ZDHHC1: variants seen among roughly 807,000 people sequenced by gnomAD.
ZDHHC1 encodes the protein zDHHC palmitoyltransferase 1.
ZDHHC1 carries 45 observed loss-of-function variants against 46.9 expected under a neutral mutation model. That is an observed-to-expected ratio of 0.96 (90% CI 0.76 to 1.23). The LOEUF is 1.23. ZDHHC1 is among the 50% of genes most tolerant of loss of function. The pLI, the probability that ZDHHC1 is intolerant of heterozygous loss-of-function variation, is 0.00. For missense variants in ZDHHC1, 649 were observed against 670.8 expected (o/e 0.97, Z 0.36); for synonymous variants, 291 against 286.0 (o/e 1.02, Z -0.18).
At position 67,395,046 on chromosome 16, in the gene ZDHHC1, C is replaced by G; in HGVS notation, c.1121G>C (p.Arg374Pro). ...CTCAGACGTTCGCACTTTATACACG[C>G]GCCTCTTCCTCTTTTTCTGCAGAGA... ...RIRPQKKRKR[R>P]VYKVRTSETS... Residue 374 changes from arginine (R) to proline (P), a missense_variant, in exon 11 of 12, where the codon CGC becomes CCC. By Grantham distance (103) the Arg-to-Pro change is moderately radical. Coordinates refer to ENST00000565726, the MANE Select transcript of ZDHHC1 (RefSeq NM_001323627.2). The G allele has an allele frequency of 6.2e-7, 1 of 1,613,124 alleles. No homozygotes were observed. Among genetic ancestry groups the G allele is most frequent in the Non-Finnish European group, 8.5e-7 (1 of 1,179,838 alleles).
chr16:67,407,346 G>C (rs551692560), intron 2 of ZDHHC1, among the ~76,000 whole-genome samples: 2 of 152,356 alleles, frequency 1.3e-5, no homozygotes, highest in East Asian at 3.9e-4. Flanking sequence ...CTGGGAGACA[G>C]GCCAGCTCTG....
At position 67,395,468 on chromosome 16, in the gene ZDHHC1, C is replaced by T. The variant is rs778747361; in HGVS notation, c.1010+16G>A. ...AACTGGAGATGCCCAGTGGCACATGCCCAGGTTGCACTCACTTGGCATTCA... is the reference window on the plus strand; with the variant it reads ...AACTGGAGATGCCCAGTGGCACATGTCCAGGTTGCACTCACTTGGCATTCA... On this transcript the variant is annotated intron_variant, in intron 9 of 11. Transcript: ENST00000565726. 3.9e-6 allele frequency: 6 copies of T among 1,551,360 alleles called. No individual in the cohort carries two copies. Among genetic ancestry groups the T allele is most frequent in the Admixed American group, 2.0e-5 (1 of 51,016 alleles).
chr16:67,413,774 A>G (rs2040788881), intron 1 of ZDHHC1, among the ~76,000 whole-genome samples: 1 of 151,968 alleles, frequency 6.6e-6, no homozygotes, highest in Admixed American at 6.6e-5. Context: ...ACCCGTCTCT[A>G]CTAAAAATAC....
At chr16:67,414,136 G>A (rs574229455) in intron 1 of ZDHHC1, among the ~76,000 whole-genome samples, 1 of 152,236 alleles carries the variant, frequency 6.6e-6, no homozygotes, top group East Asian at 1.9e-4. Flanking sequence ...TAGAAACAAG[G>A]CCAGTGAAGA....
Position 67,394,649 on chromosome 16 carries a change from C to A in ZDHHC1, c.1410G>T (p.Glu470Asp). 8.2e-7 allele frequency: 1 copy of A among 1,219,612 alleles called. No individual in the cohort carries two copies. The allele number at this position is 1,219,612 out of a possible 1,614,324, so 75.5% of individuals were successfully genotyped here. A position where few individuals can be genotyped will look rare whatever the true frequency, so the allele number is the denominator to read the frequency against. The part of the protein sequence containing the change: ...PAVFVSPSSG[E>D]PRAPGGREAG... The stretch of plus-strand genomic sequence containing the variant: ...CCTCCCGGCCGCCCGGCGCCCTGGG[C>A]TCGCCGCTGCTCGGGCTCACGAAAA... Residue 470 changes from glutamate to aspartate, a missense_variant, in exon 12 of 12, where the codon GAG becomes GAT. By Grantham distance (45) the Glu-to-Asp change is conservative. Transcript: ENST00000565726.
chr16:67,394,678 C>G lies in ZDHHC1; in HGVS notation c.1381G>C (p.Ala461Pro). 1 of 1,252,542 alleles carries G rather than the reference C, an allele frequency of 8.0e-7. No homozygotes were observed. 77.6% of individuals were successfully genotyped at this position (1,252,542 alleles called of 1,614,324 possible). ...PTLARQARAP[A>P]VFVSPSSGEP... ...CCGCTGCTCGGGCTCACGAAAACGG[C>G]GGGCGCACGCGCCTGCCGCGCCAGC... is the stretch of plus-strand genomic sequence containing the variant. Residue 461 changes from alanine (A) to proline (P), a missense_variant, in exon 12 of 12, where the codon GCC (alanine) becomes CCC (proline). Transcript: ENST00000565726.
rs141255016 is a variant in ZDHHC1, at chr16:67,412,062, G to A, written c.-39+4109C>T. On this transcript the variant is annotated intron_variant, in intron 1 of 11. Transcript: ENST00000565726. Reference sequence around the variant, plus strand: ...CGGGAGGCAGAGGTTGCAGTGAGCCGAGATCGTGCCACTGCGCTCCAGCCT... The same window carrying A: ...CGGGAGGCAGAGGTTGCAGTGAGCCAAGATCGTGCCACTGCGCTCCAGCCT... Among the ~76,000 whole-genome samples, 103 of 151,952 alleles carry A rather than the reference G, an allele frequency of 6.8e-4. 2 individuals are homozygous for A. The East Asian group carries it at 0.016, about 23-fold the overall frequency.
Position 67,401,172 on chromosome 16 carries a change from TG to T in ZDHHC1, c.253-41del. 1 of 1,605,228 alleles carries T rather than the reference TG, an allele frequency of 6.2e-7. No individual in the cohort carries two copies. The highest frequency in any genetic ancestry group is 1.7e-5 in the Admixed American group (1 of 59,650). On this transcript the variant is annotated intron_variant, in intron 3 of 11. Transcript: ENST00000565726. This position sits in a 1 kb window ranked among gnomAD's most constrained non-coding sequence, Gnocchi z 4.6. ...TAAAGACTCACTCCACTCTGCCGGC[TG>T]GGAGTCCTGCCCCGTTCCTTGCAGC...
In ZDHHC1 at chr16:67,395,219, T is replaced by C; in HGVS notation, c.1072A>G (p.Thr358Ala). The change falls in exon 10 of 12, where the codon ACT becomes GCT. Residue 358 changes from threonine to alanine, a missense_variant. Transcript: ENST00000565726. ...CGGATCCGGGGAGGCAGGGCGAGAG[T>C]GTCTGGGGAAGAGGGTGGTGGAGGT... ...AEPPPPSSPD[T>A]LALPPRIRPQ... 1.9e-6 allele frequency: 3 copies of C among 1,608,520 alleles called. No homozygotes were observed. Among genetic ancestry groups the C allele is most frequent in the Non-Finnish European group, 2.5e-6 (3 of 1,178,108 alleles).
chr16:67,400,419 C>T (rs926504775), intron 4 of ZDHHC1, among the ~76,000 whole-genome samples: 1 of 152,198 alleles, frequency 6.6e-6, no homozygotes, highest in African/African-American at 2.4e-5. Flanking sequence ...CTGAGCAAGC[C>T]AAATGGCCCC....
rs1015769356 is a variant in ZDHHC1 at position 67,406,532 on chromosome 16, G to C, written c.10-90C>G. The C allele has an allele frequency of 1.6e-5, 23 of 1,419,834 alleles. No individual in the cohort carries two copies. The East Asian group carries it at 4.6e-4, about 28-fold the overall frequency. The allele number at this position is 1,419,834 out of a possible 1,614,324, so 88.0% of individuals were successfully genotyped here. A position where few individuals can be genotyped will look rare whatever the true frequency, so the allele number is the denominator to read the frequency against. ...TGTCTGCAGCCAAGTTTCAGCACAGGGGGAGTAGGCTGCGACAGCTACTCT... is the reference window on the plus strand; with the variant it reads ...TGTCTGCAGCCAAGTTTCAGCACAGCGGGAGTAGGCTGCGACAGCTACTCT... On this transcript the variant is annotated intron_variant, in intron 2 of 11. Transcript: ENST00000565726. The surrounding 1 kb of genome is among the most constrained non-coding windows in gnomAD (Gnocchi z 4.1).
Position 67,398,840 on chromosome 16 carries a change from C to T in ZDHHC1, c.635G>A (p.Arg212His), listed in dbSNP as rs756237481. Residue 212 changes from arginine (R) to histidine (H), a missense_variant, in exon 6 of 12, where the codon CGC (arginine) becomes CAC (histidine). Arg to His is a conservative substitution (Grantham distance 29). Coordinates refer to ENST00000565726, the MANE Select transcript of ZDHHC1 (RefSeq NM_001323627.2). Reference sequence around the variant, plus strand: ...CTGACCTTCAAAGTGTCGGTTGGTGCGCAGACGCATGGGGTTGACAAAGAA... The same window carrying T: ...CTGACCTTCAAAGTGTCGGTTGGTGTGCAGACGCATGGGGTTGACAAAGAA... ...VEFFVNPMRL[R>H]TNRHFEVLKN... is the part of the protein sequence containing the mutation. 20 of 1,612,456 alleles carry T rather than the reference C, an allele frequency of 1.2e-5. No homozygotes were observed. Among genetic ancestry groups the T allele is most frequent in the South Asian group, 6.6e-5 (6 of 90,744 alleles).
In ZDHHC1 at chr16:67,406,209, A is replaced by C; in HGVS notation, c.243T>G (p.Ala81=). ...VPLLPHHWVP[A]GYACMGAIFA... ...GCTTTCCCAAGGATACAGCGTAGCC[A>C]GCGGGCACCCAGTGGTGAGGCAGGA... is the stretch of plus-strand genomic sequence containing the variant. Residue 81 remains alanine, a synonymous_variant, in exon 3 of 12, where the codon GCT becomes GCG. Transcript: ENST00000565726. The surrounding 1 kb of genome is among the most constrained non-coding windows in gnomAD (Gnocchi z 4.1). 6.2e-7 allele frequency: 1 copy of C among 1,613,856 alleles called. No homozygotes were observed. Among genetic ancestry groups the C allele is most frequent in the South Asian group, 1.1e-5 (1 of 90,986 alleles).
chr16:67,397,265 G>A (rs1183675945), intron 8 of ZDHHC1, among the ~76,000 whole-genome samples: 1 of 152,224 alleles, frequency 6.6e-6, no homozygotes, highest in Non-Finnish European at 1.5e-5. Context: ...AAAGTCTCCT[G>A]CCTACTTCTC....
chr16:67,410,728 T>A (rs1468295109), intron 1 of ZDHHC1, among the ~76,000 whole-genome samples: 1 of 151,838 alleles, frequency 6.6e-6, no homozygotes, highest in African/African-American at 2.4e-5. Context: ...TACAGTGGTA[T>A]GAGCTCAGCT....
intron 1 of ZDHHC1, among the ~76,000 whole-genome samples, chr16:67,412,812 T>A (rs1458642300): frequency 6.6e-6 from 1 of 152,182 alleles, no homozygotes; most frequent in Non-Finnish European, 1.5e-5. Flanking sequence ...TCACTTTTTT[T>A]TTTTTAAGAC....
In ZDHHC1 at chr16:67,412,043, G is replaced by A. The variant is rs181805080; in HGVS notation, c.-39+4128C>T. ...CAGGAGAATTGCTTGAACCCGGGAGGCAGAGGTTGCAGTGAGCCGAGATCG... is the reference window on the plus strand; with the variant it reads ...CAGGAGAATTGCTTGAACCCGGGAGACAGAGGTTGCAGTGAGCCGAGATCG... On this transcript the variant is annotated intron_variant, in intron 1 of 11. Coordinates refer to ENST00000565726, the MANE Select transcript of ZDHHC1 (RefSeq NM_001323627.2). 4.1e-3 allele frequency among the ~76,000 whole-genome samples: 629 copies of A among 152,050 alleles called. 3 individuals are homozygous for A. The highest frequency in any genetic ancestry group is 6.7e-3 in the Non-Finnish European group (454 of 67,996).
intron 1 of ZDHHC1, among the ~76,000 whole-genome samples, chr16:67,413,920 C>CA: frequency 7.9e-6 from 1 of 126,324 alleles, no homozygotes; most frequent in East Asian, 2.2e-4. Flanking sequence ...GACTGGGCAA[C>CA]AGAGCGAGAC....
At position 67,406,544 on chromosome 16, in the gene ZDHHC1, G is replaced by T; in HGVS notation, c.10-102C>A. The T allele has an allele frequency of 7.3e-7, 1 of 1,375,120 alleles. No homozygotes were observed. The highest frequency in any genetic ancestry group is 9.6e-7 in the Non-Finnish European group (1 of 1,045,032). The allele number at this position is 1,375,120 out of a possible 1,614,324, so 85.2% of individuals were successfully genotyped here. On this transcript the variant is annotated intron_variant, in intron 2 of 11. Transcript: ENST00000565726. The surrounding 1 kb of genome is among the most constrained non-coding windows in gnomAD (Gnocchi z 4.1). ...AGTTTCAGCACAGGGGGAGTAGGCT[G>T]CGACAGCTACTCTGCTGGGGAAACT... is the stretch of plus-strand genomic sequence containing the variant.
Sources: allele counts gnomAD v4.1 joint callset (sites outside exome capture counted in the v4.1 genomes callset), GRCh38; gene constraint gnomAD v4.1.1; non-coding constraint Gnocchi (gnomAD v3.1); transcripts MANE v1.5; gene names NCBI Gene and HGNC (gene_info 2026-07-23, HGNC 2026-07-21).